The following GALNTL6 variants were observed in gnomAD, a reference collection of about 807,000 sequenced individuals.
GALNTL6 encodes the protein polypeptide N-acetylgalactosaminyltransferase like 6, also known as polypeptide N-acetylgalactosaminyltransferase-like 6.
Under a neutral mutation model 73.7 loss-of-function variants are expected in GALNTL6, and 46 were observed. The ratio of observed to expected loss-of-function variants is 0.62; its 90% CI spans 0.49 to 0.80. The LOEUF (loss-of-function observed/expected upper bound fraction) is 0.80, where lower values mean the gene tolerates loss of function less well. Among genes scored for constraint, GALNTL6 ranks in the 30% least tolerant of loss-of-function variants. GALNTL6 has a pLI of 0.00. For missense variants in GALNTL6, 604 were observed against 755.0 expected (o/e 0.80, Z 2.34); for synonymous variants, 259 against 263.7 (o/e 0.98, Z 0.17).
chr4:172,534,974 T>C (rs2110857127), intron 5 of GALNTL6, among the ~76,000 whole-genome samples: 1 of 152,310 alleles, frequency 6.6e-6, no homozygotes, highest in South Asian at 2.1e-4. Context: ...AGTGAAGTGA[T>C]TTGTATAAGG....
chr4:172,026,046 C>T (rs1029437820), intron 2 of GALNTL6, among the ~76,000 whole-genome samples: 3 of 151,870 alleles, frequency 2.0e-5, no homozygotes, highest in African/African-American at 4.8e-5. Flanking sequence ...GGAAAACAGA[C>T]AATTTGATCC....
chr4:172,026,133 C>A (rs1396622092), intron 2 of GALNTL6, among the ~76,000 whole-genome samples: 2 of 151,930 alleles, frequency 1.3e-5, no homozygotes, highest in Non-Finnish European at 2.9e-5. Flanking sequence ...ATACACGAAT[C>A]ATGTAATTTG....
chr4:171,971,897 G>A (rs1027967186), intron 2 of GALNTL6, among the ~76,000 whole-genome samples: 3 of 152,096 alleles, frequency 2.0e-5, no homozygotes, highest in African/African-American at 4.8e-5. Flanking sequence ...GTGTATGTGT[G>A]TGTGTGTGGT....
intron 2 of GALNTL6, among the ~76,000 whole-genome samples, chr4:172,058,726 T>A (rs75034127): frequency 1.3e-5 from 2 of 152,198 alleles, no homozygotes; most frequent in South Asian, 4.1e-4. Context: ...TTTCCTCTAA[T>A]CAAGTAGTTG....
At chr4:172,569,692 GA>G (rs748901423) in intron 5 of GALNTL6, among the ~76,000 whole-genome samples, 3 of 151,832 alleles carry the variant, frequency 2.0e-5, no homozygotes, top group African/African-American at 7.3e-5. Flanking sequence ...GTCATAAAGG[GA>G]AAAAAAAGAT....
chr4:171,890,205 G>A (rs1014003526), intron 2 of GALNTL6, among the ~76,000 whole-genome samples: 1 of 151,930 alleles, frequency 6.6e-6, no homozygotes, highest in Non-Finnish European at 1.5e-5. Flanking sequence ...TTCTCTATAT[G>A]TATATATCAT....
chr4:172,287,884 G>A (rs1389425192), intron 3 of GALNTL6, among the ~76,000 whole-genome samples: 1 of 152,082 alleles, frequency 6.6e-6, no homozygotes, highest in East Asian at 1.9e-4. Context: ...CAGGAACCTT[G>A]GGGAATGAAA....
At chr4:172,769,088 A>C in intron 5 of GALNTL6, among the ~76,000 whole-genome samples, 1 of 152,014 alleles carries the variant, frequency 6.6e-6, no homozygotes, top group East Asian at 1.9e-4. Context: ...AACTTTTTAA[A>C]CTATAAGTAT....
chr4:172,886,867 G>A (rs905347835), intron 8 of GALNTL6, among the ~76,000 whole-genome samples: 4 of 152,114 alleles, frequency 2.6e-5, no homozygotes, highest in Non-Finnish European at 5.9e-5. Flanking sequence ...GGGTACACGT[G>A]CAGGATTGTT....
chr4:171,962,147 G>A (rs988444529), intron 2 of GALNTL6, among the ~76,000 whole-genome samples: 2 of 152,154 alleles, frequency 1.3e-5, no homozygotes, highest in African/African-American at 4.8e-5. Context: ...TATCCAACCT[G>A]AAGAAGTTAC....
intron 2 of GALNTL6, among the ~76,000 whole-genome samples, chr4:171,861,189 A>G (rs977295677): frequency 2.0e-5 from 3 of 152,186 alleles, no homozygotes; most frequent in African/African-American, 7.2e-5. Context: ...CGCCCCAGAT[A>G]GGAAGCCAGT....
rs1579630117 is a variant in GALNTL6, at chr4:172,901,195, T to C, written c.1041+18288T>C. Among the ~76,000 whole-genome samples, 3 of 152,294 alleles carry C rather than the reference T, an allele frequency of 2.0e-5. No individual in the cohort carries two copies. In the East Asian group the frequency reaches 5.8e-4, roughly 29 times the overall value. The stretch of plus-strand genomic sequence containing the variant: ...TTTCAGACATAGTCCTTCATTCTTC[T>C]CACTATCGTTTGCTGACCCTGGGGG... On this transcript the variant is annotated intron_variant, in intron 8 of 12. Coordinates refer to ENST00000506823, the MANE Select transcript of GALNTL6 (RefSeq NM_001034845.3).
chr4:171,943,423 G>T (rs1738607781), intron 2 of GALNTL6, among the ~76,000 whole-genome samples: 1 of 152,090 alleles, frequency 6.6e-6, no homozygotes, highest in South Asian at 2.1e-4. Context: ...CTTCTTGATT[G>T]CTGAAATTCT....
At chr4:172,300,017 G>T (rs956963063) in intron 3 of GALNTL6, among the ~76,000 whole-genome samples, 1 of 152,088 alleles carries the variant, frequency 6.6e-6, no homozygotes, top group Non-Finnish European at 1.5e-5. Flanking sequence ...CTCTTTGTAG[G>T]TCTCTAAGGA....
At chr4:172,675,540 G>A (rs1034090604) in intron 5 of GALNTL6, among the ~76,000 whole-genome samples, 7 of 152,166 alleles carry the variant, frequency 4.6e-5, no homozygotes, top group African/African-American at 1.7e-4. Flanking sequence ...ACAGGTCTGG[G>A]TGCCTTCTCC....
At chr4:172,304,446 G>A (rs552693879) in intron 3 of GALNTL6, among the ~76,000 whole-genome samples, 5 of 151,840 alleles carry the variant, frequency 3.3e-5, no homozygotes, top group Non-Finnish European at 7.4e-5. Flanking sequence ...GCAAATTTGG[G>A]AAATAGGTCC....
In GALNTL6 at chr4:172,373,189, G is replaced by A. The variant is rs538683442; in HGVS notation, c.553+24500G>A. Reference sequence around the variant, plus strand: ...ATCCCTAAACCCTTGGGGCAAGACTGTGCACATAAGTTGGGACGTGTGGTC... The same window carrying A: ...ATCCCTAAACCCTTGGGGCAAGACTATGCACATAAGTTGGGACGTGTGGTC... On this transcript the variant is annotated intron_variant, in intron 5 of 12. Transcript: ENST00000506823. Among the ~76,000 whole-genome samples the A allele has an allele frequency of 1.7e-3, 255 of 152,302 alleles. 1 individual carries two copies. The highest frequency in any genetic ancestry group is 1.5e-3 in the Non-Finnish European group (101 of 68,032).
chr4:173,031,321 T>G (rs1222532103), intron 12 of GALNTL6, among the ~76,000 whole-genome samples: 2 of 152,210 alleles, frequency 1.3e-5, no homozygotes, highest in Non-Finnish European at 2.9e-5. Flanking sequence ...TGATTTGATT[T>G]TCGCTCTCCA....
chr4:171,841,378 G>A (rs572376845), intron 2 of GALNTL6, among the ~76,000 whole-genome samples: 63 of 152,146 alleles, frequency 4.1e-4, no homozygotes, highest in African/African-American at 1.5e-3. Flanking sequence ...ATGTATTGGT[G>A]AAATACCAGT....
Sources: gnomAD v4.1 joint callset for allele counts (sites outside exome capture counted in the v4.1 genomes callset) on GRCh38, gnomAD v4.1.1 for gene constraint, MANE v1.5 for transcripts, NCBI Gene and HGNC (gene_info 2026-07-23, HGNC 2026-07-21) for gene names.